The following HACE1 variants were observed in gnomAD, a reference collection of about 807,000 sequenced individuals.
HACE1 encodes the protein E3 ubiquitin-protein ligase HACE1.
Under a neutral mutation model 118.4 loss-of-function variants are expected in HACE1, and 73 were observed. The ratio of observed to expected loss-of-function variants is 0.62; its 90% CI spans 0.51 to 0.75. The LOEUF is 0.75. Among genes scored for constraint, HACE1 ranks in the 30% least tolerant of loss-of-function variants. HACE1 has a pLI of 0.00. For missense variants in HACE1, 749 were observed against 1,102.2 expected, an observed-to-expected ratio of 0.68 and a Z score of 4.54; for synonymous variants, 368 against 374.8, an observed-to-expected ratio of 0.98 and a Z score of 0.21.
intron 9 of HACE1, 83 bp downstream of exon 9, chr6:104,796,572 G>A (rs1308202395): frequency 1.3e-6 from 1 of 765,278 alleles, no homozygotes; most frequent in Non-Finnish European, 2.3e-6. Flanking sequence ...AAATTACTAA[G>A]CTAAGCACAT....
intron 6 of HACE1, among the ~76,000 whole-genome samples, chr6:104,823,525 C>T (rs577834503): frequency 1.3e-5 from 2 of 151,536 alleles, no homozygotes; most frequent in African/African-American, 4.8e-5. Flanking sequence ...AAAAACAGCC[C>T]GATGAAGATC....
At chr6:104,857,806 A>T (rs1776882407) in intron 1 of HACE1, among the ~76,000 whole-genome samples, 1 of 152,054 alleles carries the variant, frequency 6.6e-6, no homozygotes, top group Non-Finnish European at 1.5e-5. Flanking sequence ...AAATACAAAA[A>T]ATTAGCCGGG....
At position 104,814,525 on chromosome 6, in the gene HACE1, A is replaced by G. The variant is rs983356277; in HGVS notation, c.535-3132T>C. ...ATCTTCAATGCACCTTTTCTCAAGA[A>G]GCTACTGAAGCATATCCTCCTCCAA... On this transcript the variant is annotated intron_variant, in intron 6 of 23. Transcript: ENST00000262903. Among the ~76,000 whole-genome samples, 15 of 138,666 alleles carry G rather than the reference A, an allele frequency of 1.1e-4. 4 individuals carry two copies. The highest frequency in any genetic ancestry group is 2.0e-4 in the Non-Finnish European group (13 of 64,402). 91.0% of individuals were successfully genotyped at this position (138,666 alleles called of 152,430 possible).
At chr6:104,757,973 A>T (rs959928053) in intron 19 of HACE1, among the ~76,000 whole-genome samples, 3 of 152,204 alleles carry the variant, frequency 2.0e-5, no homozygotes, top group African/African-American at 7.2e-5. Context: ...TCAATGAAAT[A>T]AAGTGAAAAG....
intron 6 of HACE1, among the ~76,000 whole-genome samples, chr6:104,822,856 T>C (rs1331076793): frequency 6.6e-6 from 1 of 151,886 alleles, no homozygotes; most frequent in Non-Finnish European, 1.5e-5. Context: ...AAAAAAAAAG[T>C]AATGGTATTT....
chr6:104,842,348 G>A (rs2486138), intron 5 of HACE1: 66,472 of 152,156 alleles, frequency 0.44, 16,136 homozygotes, highest in East Asian at 0.58. Context: ...GCTCACACCT[G>A]TAATCCTAGC....
chr6:104,840,599 C>A (rs868787041), intron 5 of HACE1, among the ~76,000 whole-genome samples: 4 of 151,980 alleles, frequency 2.6e-5, no homozygotes, highest in African/African-American at 9.7e-5. Flanking sequence ...GTAGCCAAGG[C>A]GGGTGGATCA....
chr6:104,806,674 T>G (rs1290849326), intron 7 of HACE1, among the ~76,000 whole-genome samples: 1 of 152,186 alleles, frequency 6.6e-6, no homozygotes, highest in African/African-American at 2.4e-5. Flanking sequence ...CAAATAATCA[T>G]TCTTTATAAA....
Position 104,771,396 on chromosome 6 carries a change from A to G in HACE1, c.2015-7T>C, listed in dbSNP as rs1485752514. The G allele has an allele frequency of 6.3e-7, 1 of 1,594,108 alleles. No individual in the cohort carries two copies. Among genetic ancestry groups the G allele is most frequent in the South Asian group, 1.1e-5 (1 of 90,572 alleles). The stretch of plus-strand genomic sequence containing the variant: ...TGGTAATTTACAGGAATACCTAAAA[A>G]ATGCAAACATACAGCAGTTATAGTC... On this transcript the variant is annotated splice_polypyrimidine_tract_variant and splice_region_variant and intron_variant, in intron 18 of 23. Transcript: ENST00000262903.
chr6:104,763,688 C>T (rs566575120), intron 19 of HACE1, among the ~76,000 whole-genome samples: 33 of 152,098 alleles, frequency 2.2e-4, no homozygotes, highest in African/African-American at 6.3e-4. Flanking sequence ...AATATCTGTG[C>T]CAGCTGTTAA....
At position 104,737,716 on chromosome 6, in the gene HACE1, G is replaced by A. The variant is rs560303337; in HGVS notation, c.2513+6444C>T. Among the ~76,000 whole-genome samples the A allele has an allele frequency of 5.2e-3, 799 of 152,322 alleles. 12 individuals carry two copies. The highest frequency in any genetic ancestry group is 0.018 in the African/African-American group (769 of 41,570). ...TCGCTGATTGCTAGCACAGCAGTCT[G>A]AGACCAAACTGCAAGGCAGCAGCGA... On this transcript the variant is annotated intron_variant, in intron 22 of 23. Coordinates refer to ENST00000262903, the MANE Select transcript of HACE1 (RefSeq NM_020771.4).
intron 22 of HACE1, among the ~76,000 whole-genome samples, chr6:104,742,876 G>A (rs1005458347): frequency 5.3e-5 from 8 of 151,922 alleles, no homozygotes; most frequent in East Asian, 3.9e-4. Flanking sequence ...TGTTTATTGC[G>A]GCATTATTCA....
chr6:104,777,561 G>C lies in HACE1; in HGVS notation c.1567-244C>G, dbSNP rs967619043. 2.0e-5 allele frequency among the ~76,000 whole-genome samples: 3 copies of C among 152,016 alleles called. No homozygotes were observed. In the East Asian group the frequency reaches 5.8e-4, roughly 29 times the overall value. ...AAATTCCTACATTTTCAACACAAAA[G>C]ACTTGATAAATTTGGTTATGTCTCA... On this transcript the variant is annotated intron_variant, in intron 14 of 23. Coordinates refer to ENST00000262903, the MANE Select transcript of HACE1 (RefSeq NM_020771.4).
chr6:104,794,949 T>C (rs1783456798), intron 10 of HACE1, among the ~76,000 whole-genome samples: 1 of 152,046 alleles, frequency 6.6e-6, no homozygotes, highest in South Asian at 2.1e-4. Context: ...TGTATACATA[T>C]ATACAATTTC....
At chr6:104,793,098 T>C (rs1269721130) in intron 10 of HACE1, among the ~76,000 whole-genome samples, 3 of 150,798 alleles carry the variant, frequency 2.0e-5, no homozygotes, top group Admixed American at 2.0e-4. Context: ...AAACCCCGTC[T>C]CTACTAAAAA....
At position 104,833,046 on chromosome 6, in the gene HACE1, T is replaced by C. The variant is rs778797459; in HGVS notation, c.530A>G (p.Lys177Arg). 2 of 1,613,474 alleles carry C rather than the reference T, an allele frequency of 1.2e-6. No individual in the cohort carries two copies. Among genetic ancestry groups the C allele is most frequent in the Non-Finnish European group, 8.5e-7 (1 of 1,179,348 alleles). The change falls in exon 6 of 24, where the codon AAG (lysine) becomes AGG (arginine). Residue 177 changes from lysine to arginine, a missense_variant. Physicochemically the swap from Lys to Arg is conservative, Grantham distance 26. Coordinates refer to ENST00000262903, the MANE Select transcript of HACE1 (RefSeq NM_020771.4). Reference protein sequence around the residue: ...ALHVACQNGHKTTVQCLLDSG... With the variant: ...ALHVACQNGHRTTVQCLLDSG... The stretch of plus-strand genomic sequence containing the variant: ...AGTCCTCATGGCTCAACTTACCGTC[T>C]TGTGACCGTTCTGGCAGGCAACATG...
Position 104,858,458 on chromosome 6 carries a change from TG to T in HACE1, c.76+1108del, listed in dbSNP as rs201640865. 2.0e-3 allele frequency: 761 copies of T among 385,590 alleles called. 7 individuals carry two copies. The highest frequency in any genetic ancestry group is 0.014 in the African/African-American group (664 of 46,100). 23.9% of individuals were successfully genotyped at this position (385,590 alleles called of 1,614,324 possible). On this transcript the variant is annotated intron_variant, in intron 1 of 23. Coordinates refer to ENST00000262903, the MANE Select transcript of HACE1 (RefSeq NM_020771.4). ...GCTCACATCTGTAATCCCAACACTTTGGGGGGAGCAGGGTGCGGATCACTTG... is the reference window on the plus strand; with the variant it reads ...GCTCACATCTGTAATCCCAACACTTTGGGGGAGCAGGGTGCGGATCACTTG...
At chr6:104,839,144 T>C (rs1774843658) in intron 5 of HACE1, among the ~76,000 whole-genome samples, 1 of 152,164 alleles carries the variant, frequency 6.6e-6, no homozygotes, top group East Asian at 1.9e-4. Flanking sequence ...TATCATATGT[T>C]GTTGGTGGGA....
At chr6:104,827,834 A>G (rs1773487531) in intron 6 of HACE1, among the ~76,000 whole-genome samples, 2 of 152,130 alleles carry the variant, frequency 1.3e-5, no homozygotes, top group African/African-American at 2.4e-5. Flanking sequence ...AAATGCAGTC[A>G]GTTCTGTCTA....
Sources: allele counts gnomAD v4.1 joint callset (sites outside exome capture counted in the v4.1 genomes callset), GRCh38; gene constraint gnomAD v4.1.1; transcripts MANE v1.5; gene names NCBI Gene and HGNC (gene_info 2026-07-23, HGNC 2026-07-21).